Variants in CTNNA1 observed in about 807,000 individuals in gnomAD.
The protein encoded by CTNNA1 is catenin alpha 1, also known as catenin alpha-1.
CTNNA1 carries 37 observed loss-of-function variants against 98.4 expected under a neutral mutation model. The ratio of observed to expected loss-of-function variants is 0.38; its 90% CI spans 0.29 to 0.49. The LOEUF is 0.49. CTNNA1 is among the 20% of genes least tolerant of loss of function. CTNNA1 has a pLI of 0.95. For missense variants in CTNNA1, 761 were observed against 1,147.2 expected (o/e 0.66, Z 4.86); for synonymous variants, 404 against 413.2 (o/e 0.98, Z 0.27).
rs571878837 is a variant in CTNNA1, at chr5:138,930,719, G to A, written c.2192+65G>A. 7.0e-6 allele frequency: 11 copies of A among 1,574,802 alleles called. No individual in the cohort carries two copies. In the East Asian group the frequency reaches 9.0e-5, roughly 13 times the overall value. ...ACTTTCTTCCCCACAGGTCACCTGC[G>A]CAGCGGCTCAGACAGCCCAGGCCAT... On this transcript the variant is annotated intron_variant, in intron 15 of 17. Transcript: ENST00000302763.
chr5:138,765,744 AT>A (rs1187416569), intron 1 of CTNNA1, among the ~76,000 whole-genome samples: 1 of 151,662 alleles, frequency 6.6e-6, no homozygotes, highest in Non-Finnish European at 1.5e-5. Flanking sequence ...AGGTCAAGAG[AT>A]CGAGACCATA....
intron 7 of CTNNA1, chr5:138,872,847 C>CATTTAAAATTTTTA (rs1750805727): frequency 1.9e-6 from 1 of 513,996 alleles, no homozygotes. Context: ...AATATGGTTT[C>CATTTAAAATTTTTA]ATTTAAAAAA....
At chr5:138,805,521 C>G (rs987588915) in intron 3 of CTNNA1, among the ~76,000 whole-genome samples, 2 of 152,108 alleles carry the variant, frequency 1.3e-5, no homozygotes, top group African/African-American at 4.8e-5. Context: ...GGTTGAGCAT[C>G]TTTTCATGTG....
Position 138,903,218 on chromosome 5 carries a change from C to A in CTNNA1, c.1297-1131C>A, listed in dbSNP as rs577156046. 3.3e-5 allele frequency among the ~76,000 whole-genome samples: 5 copies of A among 152,200 alleles called. No individual in the cohort carries two copies. The South Asian group carries it at 1.0e-3, about 32-fold the overall frequency. On this transcript the variant is annotated intron_variant, in intron 9 of 17. Coordinates refer to ENST00000302763, the MANE Select transcript of CTNNA1 (RefSeq NM_001903.5). Reference sequence around the variant, plus strand: ...TTGCAGGATTCTGATAGTTAGCAGTCTTATAGAAAGCTGATAATCCTTAAC... The same window carrying A: ...TTGCAGGATTCTGATAGTTAGCAGTATTATAGAAAGCTGATAATCCTTAAC...
chr5:138,933,020 G>C lies in CTNNA1; in HGVS notation c.2433+308G>C. 3 of 763,620 alleles carry C rather than the reference G, an allele frequency of 3.9e-6. No homozygotes were observed. The Admixed American group carries it at 5.1e-5, about 13-fold the overall frequency. The allele number at this position is 763,620 out of a possible 1,614,324, so 47.3% of individuals were successfully genotyped here. On this transcript the variant is annotated intron_variant, in intron 17 of 17. Coordinates refer to ENST00000302763, the MANE Select transcript of CTNNA1 (RefSeq NM_001903.5). Reference sequence around the variant, plus strand: ...TGGTGGCAGGTACCTGTAAGTCCCAGCTACTTGGGAGGCTGAGACACAATA... The same window carrying C: ...TGGTGGCAGGTACCTGTAAGTCCCACCTACTTGGGAGGCTGAGACACAATA...
intron 7 of CTNNA1, among the ~76,000 whole-genome samples, chr5:138,841,007 A>G (rs1347064461): frequency 6.6e-6 from 1 of 152,226 alleles, no homozygotes; most frequent in African/African-American, 2.4e-5. Context: ...TGTCGGAGAC[A>G]GGAGATTTCC....
intron 2 of CTNNA1, chr5:138,782,372 C>A: frequency 2.2e-6 from 1 of 456,622 alleles, no homozygotes; most frequent in South Asian, 1.6e-5. Context: ...CTCTGCTTAA[C>A]ACACCTTTCA....
intron 9 of CTNNA1, among the ~76,000 whole-genome samples, chr5:138,900,364 A>G (rs1757777025): frequency 6.6e-6 from 1 of 152,310 alleles, no homozygotes; most frequent in South Asian, 2.1e-4. Flanking sequence ...TTACTCCTAC[A>G]ACAGGTATAA....
intron 3 of CTNNA1, among the ~76,000 whole-genome samples, chr5:138,790,447 A>G (rs1364957012): frequency 1.3e-5 from 2 of 152,200 alleles, no homozygotes; most frequent in Non-Finnish European, 2.9e-5. Flanking sequence ...TTCATTAATC[A>G]CACGTATTAA....
At chr5:138,775,313 T>C (rs946072305) in intron 1 of CTNNA1, among the ~76,000 whole-genome samples, 10 of 152,246 alleles carry the variant, frequency 6.6e-5, no homozygotes, top group Admixed American at 5.9e-4. Context: ...TCTAGAGCAT[T>C]CCATTTCCTA....
Position 138,783,309 on chromosome 5 carries a change from G to C in CTNNA1, c.238G>C (p.Ala80Pro), listed in dbSNP as rs759125508. Residue 80 changes from alanine to proline, a missense_variant, in exon 3 of 18, where the codon GCG (alanine) becomes CCG (proline). Physicochemically the swap from Ala to Pro is conservative, Grantham distance 27. Transcript: ENST00000302763. ...ENFLEKGDKI[A>P]KESQFLKEEL... is the part of the protein sequence containing the mutation. ...TTTCTTGGAGAAGGGGGATAAAATTGCGAAGGAGAGCCAGTTTCTCAAGGA... is the reference window on the plus strand; with the variant it reads ...TTTCTTGGAGAAGGGGGATAAAATTCCGAAGGAGAGCCAGTTTCTCAAGGA... The C allele has an allele frequency of 1.9e-6, 3 of 1,614,130 alleles. No homozygotes were observed. The highest frequency in any genetic ancestry group is 2.5e-6 in the Non-Finnish European group (3 of 1,179,992).
chr5:138,864,027 A>T (rs1191931736), intron 7 of CTNNA1, among the ~76,000 whole-genome samples: 2 of 152,192 alleles, frequency 1.3e-5, no homozygotes, highest in African/African-American at 2.4e-5. Context: ...CAGTGGCACG[A>T]TCTTGGCTTG....
chr5:138,815,767 T>C (rs1759369061), intron 5 of CTNNA1, among the ~76,000 whole-genome samples: 1 of 152,128 alleles, frequency 6.6e-6, no homozygotes, highest in Admixed American at 6.5e-5. Flanking sequence ...TTTGTAGTTT[T>C]CCTTGGGCCT....
At chr5:138,805,037 A>T (rs963258341) in intron 3 of CTNNA1, among the ~76,000 whole-genome samples, 1 of 152,124 alleles carries the variant, frequency 6.6e-6, no homozygotes, top group South Asian at 2.1e-4. Flanking sequence ...GGAGCTAGGC[A>T]TCTAACATGG....
intron 7 of CTNNA1, among the ~76,000 whole-genome samples, chr5:138,876,849 C>A (rs1243075527): frequency 6.6e-6 from 1 of 152,120 alleles, no homozygotes; most frequent in Non-Finnish European, 1.5e-5. Context: ...TGCAGCAGTG[C>A]AGGTGTGTGG....
chr5:138,802,289 A>G (rs1031177931), intron 3 of CTNNA1, among the ~76,000 whole-genome samples: 9 of 152,222 alleles, frequency 5.9e-5, no homozygotes, highest in African/African-American at 2.2e-4. Context: ...CTATACATTT[A>G]TAATAGACAA....
Position 138,761,392 on chromosome 5 carries a change from C to T in CTNNA1, c.-3+7882C>T, listed in dbSNP as rs532684739. On this transcript the variant is annotated intron_variant, in intron 1 of 17. Coordinates refer to ENST00000302763, the MANE Select transcript of CTNNA1 (RefSeq NM_001903.5). ...TGGGATTTGCAAGCATGTGTCACCA[C>T]GACCTGTTTAATTTTTGTACTTTTA... is the stretch of plus-strand genomic sequence containing the variant. Among the ~76,000 whole-genome samples, 86 of 152,150 alleles carry T rather than the reference C, an allele frequency of 5.7e-4. 1 individual carries two copies. The highest frequency in any genetic ancestry group is 6.8e-3 in the Middle Eastern group (2 of 294).
intron 3 of CTNNA1, among the ~76,000 whole-genome samples, chr5:138,799,002 A>AT (rs1290021332): frequency 1.3e-5 from 2 of 151,688 alleles, no homozygotes; most frequent in Non-Finnish European, 2.9e-5. Flanking sequence ...ATTAAAAAAA[A>AT]TTTTTTTTGA....
In CTNNA1 at chr5:138,873,744, A is replaced by C. The variant is rs1199338919; in HGVS notation, c.1063-12468A>C. The C allele has an allele frequency of 6.2e-6, 10 of 1,613,920 alleles. No individual in the cohort carries two copies. Among genetic ancestry groups the C allele is most frequent in the Non-Finnish European group, 8.5e-6 (10 of 1,179,910 alleles). On this transcript the variant is annotated intron_variant, in intron 7 of 17. Coordinates refer to ENST00000302763, the MANE Select transcript of CTNNA1 (RefSeq NM_001903.5). This position sits in a 1 kb window ranked among gnomAD's most constrained non-coding sequence, Gnocchi z 6.1. ...ATTTTAAGATTGGGCATCGTTTCAA[A>C]CACTGTCAAGTCGATGGCTTTGATT... is the stretch of plus-strand genomic sequence containing the variant.
Sources: allele counts gnomAD v4.1 joint callset (sites outside exome capture counted in the v4.1 genomes callset), GRCh38; gene constraint gnomAD v4.1.1; non-coding constraint Gnocchi (gnomAD v3.1); transcripts MANE v1.5; gene names NCBI Gene and HGNC (gene_info 2026-07-23, HGNC 2026-07-21).